The following LONP2 variants were observed in gnomAD, a reference collection of about 807,000 sequenced individuals.
The protein encoded by LONP2 is lon protease homolog 2, peroxisomal.
Under a neutral mutation model 85.6 loss-of-function variants are expected in LONP2, and 60 were observed. The observed-to-expected ratio is 0.70, with a 90% CI of 0.57 to 0.87. The LOEUF (loss-of-function observed/expected upper bound fraction) is 0.87. Among genes scored for constraint, LONP2 ranks in the 40% least tolerant of loss-of-function variants. The pLI is 0.00. For synonymous variants in LONP2, 395 were observed against 389.7 expected (o/e 1.01, Z -0.16); for missense variants, 860 against 1,063.5 (o/e 0.81, Z 2.66).
intron 8 of LONP2, among the ~76,000 whole-genome samples, chr16:48,295,377 A>G (rs1375575589): frequency 1.3e-5 from 2 of 152,214 alleles, no homozygotes; most frequent in African/African-American, 4.8e-5. Flanking sequence ...GTCTCAAGAA[A>G]AAAAGAGTTA....
intron 8 of LONP2, among the ~76,000 whole-genome samples, chr16:48,290,066 TA>T (rs1383348234): frequency 2.0e-5 from 3 of 152,198 alleles, no homozygotes; most frequent in Non-Finnish European, 4.4e-5. Flanking sequence ...CAAGGTCTTC[TA>T]GAATATTTTC....
intron 1 of LONP2, among the ~76,000 whole-genome samples, chr16:48,246,737 G>A (rs1237238924): frequency 6.6e-6 from 1 of 151,952 alleles, no homozygotes; most frequent in African/African-American, 2.4e-5. Context: ...ACTACACCCA[G>A]CTAATTTTTA....
intron 11 of LONP2, among the ~76,000 whole-genome samples, chr16:48,331,023 C>G (rs1438151876): frequency 6.6e-6 from 1 of 152,106 alleles, no homozygotes; most frequent in Admixed American, 6.6e-5. Flanking sequence ...CTCCTGTGAT[C>G]GTGAAATACA....
intron 8 of LONP2, among the ~76,000 whole-genome samples, chr16:48,284,266 G>A (rs1266264723): frequency 6.6e-6 from 1 of 152,134 alleles, no homozygotes; most frequent in Non-Finnish European, 1.5e-5. Context: ...ACAAGATTTA[G>A]AATATTACAT....
At chr16:48,271,841 A>T (rs1051437109) in intron 7 of LONP2, among the ~76,000 whole-genome samples, 7 of 152,224 alleles carry the variant, frequency 4.6e-5, no homozygotes, top group Non-Finnish European at 7.3e-5. Context: ...TTCAAAAGAT[A>T]TTTTTGTTGC....
chr16:48,259,839 G>A (rs1363533725), intron 4 of LONP2, among the ~76,000 whole-genome samples: 1 of 152,194 alleles, frequency 6.6e-6, no homozygotes, highest in Non-Finnish European at 1.5e-5. Flanking sequence ...TGTATAGAGA[G>A]ACAAATCCAC....
chr16:48,258,517 A>AT (rs932133341), intron 3 of LONP2, 101 bp from the exon 4 acceptor site: 426 of 1,200,074 alleles, frequency 3.5e-4, no homozygotes, highest in South Asian at 5.1e-4. Context: ...ACTGTTAATA[A>AT]TTTTTTTTTA....
At chr16:48,357,536 A>G (rs1471663631), downstream of LONP2, among the ~76,000 whole-genome samples, 1 of 152,130 alleles carries the variant, frequency 6.6e-6, no homozygotes, top group African/African-American at 2.4e-5. Context: ...CACACACACT[A>G]TTCACCCTGT....
intron 7 of LONP2, among the ~76,000 whole-genome samples, chr16:48,273,072 T>C (rs982125061): frequency 6.6e-6 from 1 of 152,216 alleles, no homozygotes; most frequent in African/African-American, 2.4e-5. Context: ...ACCGGTCACA[T>C]GCTCACAGTT....
chr16:48,324,371 C>T (rs149572574), intron 11 of LONP2, among the ~76,000 whole-genome samples: 1 of 152,308 alleles, frequency 6.6e-6, no homozygotes, highest in African/African-American at 2.4e-5. Flanking sequence ...AACATCTCCT[C>T]CTCACACATA....
chr16:48,359,313 C>T (rs190455168), downstream of LONP2, among the ~76,000 whole-genome samples: 35 of 152,308 alleles, frequency 2.3e-4, no homozygotes, highest in East Asian at 5.8e-3. Context: ...TATAATGTAA[C>T]CCTTTCACCA....
intron 11 of LONP2, among the ~76,000 whole-genome samples, chr16:48,315,524 G>GT (rs1973122826): frequency 1.3e-5 from 2 of 152,154 alleles, no homozygotes; most frequent in Admixed American, 1.3e-4. Flanking sequence ...AAGGATATCA[G>GT]TCTCACCCAT....
intron 5 of LONP2, 108 bp downstream of exon 5, chr16:48,261,695 C>A (rs924504880): frequency 1.4e-5 from 11 of 802,808 alleles, no homozygotes; most frequent in Non-Finnish European, 1.8e-5. Flanking sequence ...TAATACAAAT[C>A]TTCCACCTGC....
At chr16:48,346,523 GTAGTATTGTATAGTC>G (rs1267390056) in intron 12 of LONP2, among the ~76,000 whole-genome samples, 11 of 152,144 alleles carry the variant, frequency 7.2e-5, no homozygotes, top group Admixed American at 7.2e-4. Context: ...TGTTTATTAT[GTAGTATTGTATAGTC>G]TCTGCAGCAG....
At chr16:48,316,007 AT>A (rs1391237856) in intron 11 of LONP2, among the ~76,000 whole-genome samples, 4 of 52,400 alleles carry the variant, frequency 7.6e-5, no homozygotes, top group South Asian at 4.8e-4. Flanking sequence ...GCCACTGGAT[AT>A]TTTTTTTTTC....
At chr16:48,299,254 T>G (rs989860547) in intron 9 of LONP2, among the ~76,000 whole-genome samples, 8 of 152,106 alleles carry the variant, frequency 5.3e-5, no homozygotes, top group Non-Finnish European at 1.2e-4. Context: ...TTGTTCTAAA[T>G]CTAAGATCCA....
At chr16:48,247,600 G>A (rs1971483500) in intron 1 of LONP2, 1 of 152,226 alleles carries the variant, frequency 6.6e-6, no homozygotes, top group Admixed American at 6.5e-5. Context: ...CTGCAGTATA[G>A]AACTTGGCTG....
chr16:48,325,438 G>A (rs1183357222), intron 11 of LONP2, among the ~76,000 whole-genome samples: 1 of 152,144 alleles, frequency 6.6e-6, no homozygotes, highest in Non-Finnish European at 1.5e-5. Flanking sequence ...CCAGTCTCTT[G>A]TAACCACTGT....
chr16:48,299,769 A>G lies in LONP2; in HGVS notation c.1642A>G (p.Thr548Ala). ...PQQIQIPQVT[T>A]LDIITRYTRE... is the part of the protein sequence containing the mutation. ...GCAGATTCAGATACCCCAGGTCACCACTCTTGACATCATCACCAGGTTAGT... is the reference window on the plus strand; with the variant it reads ...GCAGATTCAGATACCCCAGGTCACCGCTCTTGACATCATCACCAGGTTAGT... The change falls in exon 10 of 15, where the codon ACT becomes GCT. Residue 548 changes from threonine (T) to alanine (A), a missense_variant. Thr to Ala is a moderately conservative substitution (Grantham distance 58, BLOSUM62 0). This residue lies in a region of LONP2 where 743 missense variants were observed against 917.3 expected (regional missense o/e 0.81). Coordinates refer to ENST00000285737, the MANE Select transcript of LONP2 (RefSeq NM_031490.5). The G allele has an allele frequency of 1.9e-6, 3 of 1,611,394 alleles. No homozygotes were observed. The highest frequency in any genetic ancestry group is 1.1e-5 in the South Asian group (1 of 90,406).
Sources: allele counts gnomAD v4.1 joint callset (sites outside exome capture counted in the v4.1 genomes callset), GRCh38; gene constraint gnomAD v4.1.1; regional missense constraint gnomAD v4.1.1; transcripts MANE v1.5; gene names NCBI Gene and HGNC (gene_info 2026-07-23, HGNC 2026-07-21).